KLHL29: variants seen among roughly 807,000 people sequenced by gnomAD.
KLHL29 encodes kelch-like protein 29.
Under a neutral mutation model 80.4 loss-of-function variants are expected in KLHL29, and 21 were observed. That is an observed-to-expected ratio of 0.26 (90% CI 0.19 to 0.38). The LOEUF (loss-of-function observed/expected upper bound fraction) is 0.38. KLHL29 is among the 10% of genes least tolerant of loss of function. The pLI, the probability that KLHL29 is intolerant of heterozygous loss-of-function variation, is 1.00. For missense variants in KLHL29, 867 were observed against 1,223.9 expected (o/e 0.71, Z 4.35); for synonymous variants, 511 against 526.8 (o/e 0.97, Z 0.41).
intron 1 of KLHL29, among the ~76,000 whole-genome samples, chr2:23,398,326 T>G (rs1028366626): frequency 1.3e-5 from 2 of 152,226 alleles, no homozygotes; most frequent in African/African-American, 4.8e-5. Context: ...GGATGAACCT[T>G]GAAGACGTTA....
intron 13 of KLHL29, among the ~76,000 whole-genome samples, chr2:23,705,231 G>A (rs1215432730): frequency 6.6e-6 from 1 of 152,182 alleles, no homozygotes; most frequent in African/African-American, 2.4e-5. Flanking sequence ...AGTGGCTCAC[G>A]CCTGTAATCC....
rs908282020 is a variant in KLHL29, at chr2:23,492,423, A to G, written c.-46+16756A>G. On this transcript the variant is annotated intron_variant, in intron 2 of 13. Coordinates refer to ENST00000486442, the MANE Select transcript of KLHL29 (RefSeq NM_052920.2). The stretch of plus-strand genomic sequence containing the variant: ...TCTGAAAACCCCTGCACCCACCCCC[A>G]GCCCTTGCTGTTTGATAGCAGTCAC... Among the ~76,000 whole-genome samples, 41 of 152,192 alleles carry G rather than the reference A, an allele frequency of 2.7e-4. 1 individual carries two copies. Among genetic ancestry groups the G allele is most frequent in the African/African-American group, 9.4e-4 (39 of 41,546 alleles).
At chr2:23,393,543 G>A (rs182471907) in intron 1 of KLHL29, among the ~76,000 whole-genome samples, 125 of 152,198 alleles carry the variant, frequency 8.2e-4, no homozygotes, top group Non-Finnish European at 1.3e-3. Flanking sequence ...CAAAAGCATC[G>A]TTTTAAGGAA....
chr2:23,525,733 C>A (rs981407784), intron 2 of KLHL29, among the ~76,000 whole-genome samples: 7 of 129,474 alleles, frequency 5.4e-5, no homozygotes, highest in South Asian at 2.7e-4. Flanking sequence ...CCTGCCCCCC[C>A]CCCCCACCCG....
intron 3 of KLHL29, among the ~76,000 whole-genome samples, chr2:23,605,210 C>A (rs1354563457): frequency 6.7e-6 from 1 of 148,562 alleles, no homozygotes; most frequent in Non-Finnish European, 1.5e-5. Context: ...TTCCCAGGCT[C>A]AAGGGATCTT....
In KLHL29 at chr2:23,696,901, G is replaced by C. The variant is rs117428592; in HGVS notation, c.2105+388G>C. 5.6e-6 allele frequency: 1 copy of C among 177,798 alleles called. No individual in the cohort carries two copies. The highest frequency in any genetic ancestry group is 1.7e-4 in the East Asian group (1 of 5,774). 11.0% of individuals were successfully genotyped at this position (177,798 alleles called of 1,614,324 possible). A position where few individuals can be genotyped will look rare whatever the true frequency, so the allele number is the denominator to read the frequency against. ...CCAGCCCAGAGACTGCTGGGGTTTC[G>C]GGCAAAGCTGGAAGCAATGTTTAAA... On this transcript the variant is annotated intron_variant, in intron 11 of 13. Transcript: ENST00000486442. The surrounding 1 kb of genome is among the most constrained non-coding windows in gnomAD (Gnocchi z 5.5).
intron 6 of KLHL29, chr2:23,685,200 G>A (rs1671205460): frequency 6.6e-6 from 1 of 152,200 alleles, no homozygotes; most frequent in African/African-American, 2.4e-5. Context: ...CCTCTGCCCT[G>A]GCTATTTCTA....
chr2:23,628,244 C>G (rs778147005), intron 3 of KLHL29, among the ~76,000 whole-genome samples: 1 of 152,164 alleles, frequency 6.6e-6, no homozygotes, highest in South Asian at 2.1e-4. Flanking sequence ...TGTTAAGCGA[C>G]TATTGAGGAA....
At chr2:23,525,754 G>T (rs1391674991) in intron 2 of KLHL29, among the ~76,000 whole-genome samples, 1 of 133,950 alleles carries the variant, frequency 7.5e-6, no homozygotes, top group Admixed American at 8.7e-5. Context: ...AGGCGAGCCA[G>T]CAGAGCCAGG....
chr2:23,597,483 G>A (rs1167864685), intron 3 of KLHL29, among the ~76,000 whole-genome samples: 1 of 122,238 alleles, frequency 8.2e-6, no homozygotes, highest in Non-Finnish European at 1.6e-5. Flanking sequence ...GAGTGCAGTG[G>A]CACAATCTTG....
At position 23,684,583 on chromosome 2, in the gene KLHL29, C is replaced by T. The variant is rs370626031; in HGVS notation, c.1079+46C>T. ...TGGTCGGGTCTGTTCCTTTGTAGGA[C>T]GCTTTTGTGTCGCTTTTCTCTTCCC... On this transcript the variant is annotated intron_variant, in intron 6 of 13. Coordinates refer to ENST00000486442, the MANE Select transcript of KLHL29 (RefSeq NM_052920.2). The surrounding 1 kb of genome is among the most constrained non-coding windows in gnomAD (Gnocchi z 4.4). The T allele has an allele frequency of 7.9e-5, 118 of 1,487,158 alleles. No homozygotes were observed. The highest frequency in any genetic ancestry group is 9.2e-5 in the Non-Finnish European group (103 of 1,115,052). 92.1% of individuals were successfully genotyped at this position (1,487,158 alleles called of 1,614,324 possible).
intron 1 of KLHL29, among the ~76,000 whole-genome samples, chr2:23,387,277 C>G (rs928371550): frequency 6.6e-6 from 1 of 152,226 alleles, no homozygotes; most frequent in Admixed American, 6.5e-5. Context: ...CAGCCTCTCT[C>G]CAGTCCAGCA....
intron 1 of KLHL29, among the ~76,000 whole-genome samples, chr2:23,392,744 C>T (rs531298371): frequency 2.0e-5 from 3 of 152,166 alleles, no homozygotes; most frequent in Admixed American, 1.3e-4. Flanking sequence ...TGCACACACA[C>T]CCCTATTCGT....
At chr2:23,605,656 T>C (rs1280349192) in intron 3 of KLHL29, among the ~76,000 whole-genome samples, 1 of 152,176 alleles carries the variant, frequency 6.6e-6, no homozygotes, top group Non-Finnish European at 1.5e-5. Flanking sequence ...TATCCTAGCC[T>C]CTAGGCCCAA....
chr2:23,704,506 C>T (rs1672592595), intron 13 of KLHL29, among the ~76,000 whole-genome samples: 1 of 152,238 alleles, frequency 6.6e-6, no homozygotes, highest in Non-Finnish European at 1.5e-5. Context: ...GTGGCTCACA[C>T]CTGTAATCCC....
intron 3 of KLHL29, among the ~76,000 whole-genome samples, chr2:23,613,618 G>GC (rs1048812404): frequency 6.6e-6 from 1 of 151,910 alleles, no homozygotes; most frequent in Non-Finnish European, 1.5e-5. Context: ...ACAAACATTA[G>GC]CCGGGGGTGG....
chr2:23,562,469 G>A lies in KLHL29; in HGVS notation c.273G>A (p.Ala91=), dbSNP rs552154531. 3.1e-5 allele frequency: 47 copies of A among 1,535,970 alleles called. No individual in the cohort carries two copies. The highest frequency in any genetic ancestry group is 8.3e-5 in the South Asian group (7 of 84,018). The part of the protein sequence containing the change: ...ITSLVASSAS[A]VTTKAPGISK... ...GCCTCGTGGCCAGCTCTGCGTCTGC[G>A]GTCACCACCAAGGTAAGATGTGGTG... Residue 91 remains alanine (A), a synonymous_variant, in exon 3 of 14, where the codon GCG becomes GCA. Coordinates refer to ENST00000486442, the MANE Select transcript of KLHL29 (RefSeq NM_052920.2). The surrounding 1 kb of genome is among the most constrained non-coding windows in gnomAD (Gnocchi z 4.5).
At chr2:23,451,471 A>G (rs1370842622) in intron 1 of KLHL29, among the ~76,000 whole-genome samples, 1 of 152,196 alleles carries the variant, frequency 6.6e-6, no homozygotes, top group African/African-American at 2.4e-5. Flanking sequence ...CACCTGGGTC[A>G]TGGGGACTGG....
intron 3 of KLHL29, among the ~76,000 whole-genome samples, chr2:23,586,533 T>C (rs2103513014): frequency 6.6e-6 from 1 of 152,174 alleles, no homozygotes; most frequent in East Asian, 1.9e-4. Flanking sequence ...CTAATTTTTG[T>C]ATTTTTTAGT....
Sources: allele counts gnomAD v4.1 joint callset (sites outside exome capture counted in the v4.1 genomes callset), GRCh38; gene constraint gnomAD v4.1.1; non-coding constraint Gnocchi (gnomAD v3.1); transcripts MANE v1.5; gene names NCBI Gene and HGNC (gene_info 2026-07-23, HGNC 2026-07-21).